SNX24: variants seen among roughly 807,000 people sequenced by gnomAD.
The protein encoded by SNX24 is sorting nexin 24, also known as sorting nexin-24.
SNX24 carries 22 observed loss-of-function variants against 28.7 expected under a neutral mutation model. The ratio of observed to expected loss-of-function variants is 0.77; its 90% CI spans 0.55 to 1.10. SNX24 has a LOEUF of 1.10. SNX24 is among the 50% of genes least tolerant of loss of function. SNX24 has a pLI of 0.00. For synonymous variants in SNX24, 69 were observed against 71.5 expected (o/e 0.96, Z 0.18); for missense variants, 221 against 201.1 (o/e 1.10, Z -0.60).
At chr5:122,938,073 C>T (rs1347812841) in intron 2 of SNX24, among the ~76,000 whole-genome samples, 1 of 152,092 alleles carries the variant, frequency 6.6e-6, no homozygotes, top group Middle Eastern at 3.2e-3. Context: ...CCCAAGTCAA[C>T]ACCTAGGACT....
At chr5:122,916,655 C>G (rs1203639098) in intron 1 of SNX24, among the ~76,000 whole-genome samples, 2 of 152,170 alleles carry the variant, frequency 1.3e-5, no homozygotes, top group African/African-American at 4.8e-5. Context: ...GATGACACCC[C>G]TGCCCTTACT....
intron 1 of SNX24, among the ~76,000 whole-genome samples, chr5:122,897,977 T>C (rs904363271): frequency 1.3e-5 from 2 of 152,234 alleles, no homozygotes; most frequent in Non-Finnish European, 2.9e-5. Context: ...AGGTCTTTGA[T>C]ACTAAGATCA....
intron 1 of SNX24, among the ~76,000 whole-genome samples, chr5:122,848,577 C>T (rs957713518): frequency 1.3e-5 from 2 of 149,744 alleles, no homozygotes; most frequent in Non-Finnish European, 3.0e-5. Flanking sequence ...GGCGTGGTGG[C>T]GGGCGCGGGT....
At chr5:122,999,711 G>A (rs1762177784) in intron 3 of SNX24, among the ~76,000 whole-genome samples, 2 of 152,126 alleles carry the variant, frequency 1.3e-5, no homozygotes, top group South Asian at 4.1e-4. Context: ...CAGATAAACT[G>A]CAGGATTTGC....
intron 1 of SNX24, among the ~76,000 whole-genome samples, chr5:122,911,176 T>C (rs1044346600): frequency 2.0e-5 from 3 of 152,232 alleles, no homozygotes; most frequent in African/African-American, 7.2e-5. Context: ...TGGAGTGAGA[T>C]GGTATCTCAT....
intron 1 of SNX24, among the ~76,000 whole-genome samples, chr5:122,860,176 T>G (rs1410703335): frequency 6.6e-6 from 1 of 152,212 alleles, no homozygotes; most frequent in Non-Finnish European, 1.5e-5. Flanking sequence ...AGAAACGTGT[T>G]TCAGGGTAAA....
intron 1 of SNX24, among the ~76,000 whole-genome samples, chr5:122,852,501 G>A (rs1397705387): frequency 6.6e-6 from 1 of 152,054 alleles, no homozygotes; most frequent in Non-Finnish European, 1.5e-5. Flanking sequence ...ATGCCATCAT[G>A]TCCGGCAAAT....
rs192604579 is a variant in SNX24, at chr5:122,868,057, A to G, written c.60+22364A>G. ...GAGGGACAGTGTACTGCAGCTGTGC[A>G]CTTCCAGTTAATACCTGTATATCAT... On this transcript the variant is annotated intron_variant, in intron 1 of 6. Coordinates refer to ENST00000261369, the MANE Select transcript of SNX24 (RefSeq NM_014035.4). Among the ~76,000 whole-genome samples, 114 of 152,344 alleles carry G rather than the reference A, an allele frequency of 7.5e-4. 1 individual carries two copies. Among genetic ancestry groups the G allele is most frequent in the Non-Finnish European group, 1.3e-3 (90 of 68,040 alleles).
chr5:122,871,764 C>G (rs1411804344), intron 1 of SNX24, among the ~76,000 whole-genome samples: 1 of 152,188 alleles, frequency 6.6e-6, no homozygotes, highest in East Asian at 1.9e-4. Flanking sequence ...AAGTGAAACT[C>G]TGTCTCAAAA....
intron 4 of SNX24, 78 bp from the exon 5 acceptor site, chr5:123,001,327 T>G (rs372721081): frequency 1.1e-6 from 1 of 901,282 alleles, no homozygotes; most frequent in East Asian, 2.5e-5. Flanking sequence ...TAATATTGGG[T>G]ATTTTTTCCT....
chr5:122,883,613 A>C lies in SNX24; in HGVS notation c.60+37920A>C, dbSNP rs146908695. Reference sequence around the variant, plus strand: ...GAGCCAGTAAGCTTCTAAAACTGTCAGAAATGTATTACTCAGGGTTGTCAC... The same window carrying C: ...GAGCCAGTAAGCTTCTAAAACTGTCCGAAATGTATTACTCAGGGTTGTCAC... On this transcript the variant is annotated intron_variant, in intron 1 of 6. Coordinates refer to ENST00000261369, the MANE Select transcript of SNX24 (RefSeq NM_014035.4). 2.4e-3 allele frequency among the ~76,000 whole-genome samples: 362 copies of C among 152,250 alleles called. 2 individuals are homozygous for C. The highest frequency in any genetic ancestry group is 4.2e-3 in the South Asian group (20 of 4,816).
intron 1 of SNX24, among the ~76,000 whole-genome samples, chr5:122,918,736 T>A (rs866192944): frequency 6.6e-6 from 1 of 152,176 alleles, no homozygotes; most frequent in Non-Finnish European, 1.5e-5. Context: ...AAAAAAGAGA[T>A]GCAGAGAAGT....
At chr5:122,990,103 G>T (rs956621572) in intron 3 of SNX24, among the ~76,000 whole-genome samples, 3 of 152,252 alleles carry the variant, frequency 2.0e-5, no homozygotes, top group South Asian at 4.1e-4. Flanking sequence ...TATAGCCTAT[G>T]AGCCATCTCC....
At chr5:122,922,764 G>A (rs1029627683) in intron 1 of SNX24, among the ~76,000 whole-genome samples, 4 of 151,848 alleles carry the variant, frequency 2.6e-5, no homozygotes, top group African/African-American at 7.3e-5. Context: ...CCAGGTAATC[G>A]CTTTCTAAAA....
intron 3 of SNX24, among the ~76,000 whole-genome samples, chr5:122,993,297 CTTTTTTTTT>C (rs34422739): frequency 3.5e-4 from 40 of 114,218 alleles, no homozygotes; most frequent in African/African-American, 1.3e-3. Context: ...TAGTGGCTGC[CTTTTTTTTT>C]TTTTTTTTTT....
At chr5:122,862,832 G>C (rs969323875) in intron 1 of SNX24, among the ~76,000 whole-genome samples, 2 of 151,970 alleles carry the variant, frequency 1.3e-5, no homozygotes, top group African/African-American at 4.8e-5. Flanking sequence ...CAATTTGGCA[G>C]TATATATTAG....
chr5:122,947,077 G>A (rs532070476), intron 3 of SNX24, among the ~76,000 whole-genome samples: 4 of 152,274 alleles, frequency 2.6e-5, no homozygotes, highest in South Asian at 2.1e-4. Context: ...GGGAATCTTG[G>A]CTCTTAAAAC....
chr5:122,931,762 G>A (rs1758968362), intron 1 of SNX24, among the ~76,000 whole-genome samples: 2 of 151,760 alleles, frequency 1.3e-5, no homozygotes, highest in Non-Finnish European at 2.9e-5. Flanking sequence ...TAGAACCCCC[G>A]TCTGTATTTG....
At chr5:122,870,524 C>T (rs1755923535) in intron 1 of SNX24, among the ~76,000 whole-genome samples, 1 of 152,128 alleles carries the variant, frequency 6.6e-6, no homozygotes, top group Non-Finnish European at 1.5e-5. Context: ...TTCAGAACAG[C>T]ATATTGTCCA....
Sources: allele counts gnomAD v4.1 joint callset (sites outside exome capture counted in the v4.1 genomes callset), GRCh38; gene constraint gnomAD v4.1.1; transcripts MANE v1.5; gene names NCBI Gene and HGNC (gene_info 2026-07-23, HGNC 2026-07-21).